TMTC2: variants seen among roughly 807,000 people sequenced by gnomAD.
TMTC2 encodes the protein transmembrane O-mannosyltransferase targeting cadherins 2.
A neutral mutation model predicts 82.4 loss-of-function variants in TMTC2; 43 were observed. The ratio of observed to expected loss-of-function variants is 0.52; its 90% CI spans 0.41 to 0.67. TMTC2 has a LOEUF of 0.67. Among genes scored for constraint, TMTC2 ranks in the 30% least tolerant of loss-of-function variants. The probability of loss-of-function intolerance (pLI) is 0.00; values close to 1 mark genes in which losing one functional copy is unlikely to be tolerated. For synonymous variants in TMTC2, 408 were observed against 381.9 expected (o/e 1.07, Z -0.80); for missense variants, 919 against 1,012.4 (o/e 0.91, Z 1.25).
intron 1 of TMTC2, among the ~76,000 whole-genome samples, chr12:82,763,337 C>A (rs1340486559): frequency 6.6e-6 from 1 of 152,172 alleles, no homozygotes; most frequent in African/African-American, 2.4e-5. Flanking sequence ...CCCTCTAGAT[C>A]AGTTCTCAAA....
intron 1 of TMTC2, among the ~76,000 whole-genome samples, chr12:82,845,226 CAAAA>C (rs66859423): frequency 3.3e-4 from 15 of 45,550 alleles, no homozygotes; most frequent in African/African-American, 1.4e-3. Flanking sequence ...GTGACTGTCT[CAAAA>C]AAAAAAAAAA....
At chr12:83,114,073 G>A (rs777902505) in intron 11 of TMTC2, among the ~76,000 whole-genome samples, 6 of 151,980 alleles carry the variant, frequency 3.9e-5, no homozygotes, top group Non-Finnish European at 8.8e-5. Flanking sequence ...GTCCCCATCT[G>A]CTTTGGAAGA....
At chr12:83,102,252 C>G (rs1190274630) in intron 11 of TMTC2, among the ~76,000 whole-genome samples, 2 of 152,122 alleles carry the variant, frequency 1.3e-5, no homozygotes, top group East Asian at 3.8e-4. Context: ...GGAAGATATG[C>G]TATTTTTTTA....
At chr12:82,914,624 T>C (rs1040931911) in intron 3 of TMTC2, among the ~76,000 whole-genome samples, 6 of 152,252 alleles carry the variant, frequency 3.9e-5, no homozygotes, top group Admixed American at 3.9e-4. Flanking sequence ...CTCAGTAGCA[T>C]GAGCATAGAT....
chr12:83,031,746 C>G (rs576180861), intron 9 of TMTC2, among the ~76,000 whole-genome samples: 1 of 152,092 alleles, frequency 6.6e-6, no homozygotes, highest in Non-Finnish European at 1.5e-5. Context: ...CAGTTTCCAG[C>G]TAATAAAAAT....
Position 83,085,693 on chromosome 12 carries a change from T to C in TMTC2, c.2331+23862T>C, listed in dbSNP as rs540330682. 3.3e-4 allele frequency among the ~76,000 whole-genome samples: 51 copies of C among 152,328 alleles called. 1 individual carries two copies. The South Asian group carries it at 0.011, about 32-fold the overall frequency. On this transcript the variant is annotated intron_variant, in intron 11 of 11. Coordinates refer to ENST00000321196, the MANE Select transcript of TMTC2 (RefSeq NM_152588.3). The stretch of plus-strand genomic sequence containing the variant: ...ATTCTTGAACTGTATGTGGAAATAA[T>C]AGGGTGAATTTACTATCCAATTAAG...
intron 1 of TMTC2, among the ~76,000 whole-genome samples, chr12:82,709,003 C>T (rs1873501826): frequency 2.6e-5 from 4 of 151,854 alleles, no homozygotes; most frequent in African/African-American, 2.4e-5. Context: ...TTGACAGACT[C>T]GTCTTCATGC....
At chr12:83,033,772 CAAAA>C (rs1177493285) in intron 9 of TMTC2, among the ~76,000 whole-genome samples, 2 of 146,422 alleles carry the variant, frequency 1.4e-5, no homozygotes, top group African/African-American at 5.0e-5. Flanking sequence ...AATAAATAAA[CAAAA>C]AAACCATATA....
At chr12:82,690,689 T>G (rs752838219) in intron 1 of TMTC2, among the ~76,000 whole-genome samples, 2 of 152,216 alleles carry the variant, frequency 1.3e-5, no homozygotes, top group Non-Finnish European at 2.9e-5. Flanking sequence ...GGTATGTGGT[T>G]TCAGCTTCAT....
intron 1 of TMTC2, among the ~76,000 whole-genome samples, chr12:82,779,173 G>T (rs945852205): frequency 3.9e-5 from 6 of 152,004 alleles, no homozygotes; most frequent in African/African-American, 1.4e-4. Context: ...CAACATCACG[G>T]CAGGGTAGAA....
At position 82,716,274 on chromosome 12, in the gene TMTC2, A is replaced by C. The variant is rs189224584; in HGVS notation, c.83+28605A>C. Among the ~76,000 whole-genome samples, 429 of 152,202 alleles carry C rather than the reference A, an allele frequency of 2.8e-3. 1 individual carries two copies. The highest frequency in any genetic ancestry group is 2.8e-3 in the Non-Finnish European group (192 of 68,008). ...TGCCATCAGAGAGCTTGCTGGTAGC[A>C]GAATTAAAAATCATTATGCTATTAC... On this transcript the variant is annotated intron_variant, in intron 1 of 11. Coordinates refer to ENST00000321196, the MANE Select transcript of TMTC2 (RefSeq NM_152588.3).
chr12:83,031,854 G>A (rs1197319596), intron 9 of TMTC2, among the ~76,000 whole-genome samples: 1 of 152,116 alleles, frequency 6.6e-6, no homozygotes, highest in South Asian at 2.1e-4. Context: ...ATGTTATTGT[G>A]TGTCTATGTT....
chr12:82,932,282 A>G (rs1395034478), intron 4 of TMTC2, among the ~76,000 whole-genome samples: 1 of 152,150 alleles, frequency 6.6e-6, no homozygotes, highest in African/African-American at 2.4e-5. Context: ...ATCTCAATCT[A>G]GCGGCCTGTG....
At chr12:82,772,262 A>G (rs1877350281) in intron 1 of TMTC2, among the ~76,000 whole-genome samples, 2 of 152,124 alleles carry the variant, frequency 1.3e-5, no homozygotes, top group Middle Eastern at 3.2e-3. Context: ...CATTTTATCT[A>G]TGTGTACATT....
intron 7 of TMTC2, among the ~76,000 whole-genome samples, chr12:82,979,513 T>C (rs1878827953): frequency 1.3e-5 from 2 of 151,772 alleles, no homozygotes; most frequent in South Asian, 4.1e-4. Context: ...TTTAATTCTT[T>C]CTGTTTATTT....
Position 83,042,688 on chromosome 12 carries a change from G to T in TMTC2, c.2153-8216G>T, listed in dbSNP as rs373814306. On this transcript the variant is annotated intron_variant, in intron 9 of 11. Transcript: ENST00000321196. ...GACAGTCATCATAACTCCCTCAGTG[G>T]TTTTCTGGCATTTCATAACCCTTTT... is the stretch of plus-strand genomic sequence containing the variant. Among the ~76,000 whole-genome samples the T allele has an allele frequency of 2.7e-3, 413 of 152,230 alleles. 3 individuals are homozygous for T. Among genetic ancestry groups the T allele is most frequent in the African/African-American group, 9.7e-3 (401 of 41,544 alleles).
At chr12:83,064,817 G>T (rs1882861388) in intron 11 of TMTC2, among the ~76,000 whole-genome samples, 1 of 151,850 alleles carries the variant, frequency 6.6e-6, no homozygotes, top group Admixed American at 6.6e-5. Context: ...CATTTATCCT[G>T]TTCATAGCTG....
chr12:82,968,926 A>T (rs1018091573), intron 7 of TMTC2, among the ~76,000 whole-genome samples: 1 of 152,168 alleles, frequency 6.6e-6, no homozygotes, highest in Non-Finnish European at 1.5e-5. Flanking sequence ...TTAACATTCC[A>T]GATTTTTTCT....
chr12:82,730,296 C>CAAAAA (rs368959079), intron 1 of TMTC2, among the ~76,000 whole-genome samples: 1,998 of 77,302 alleles, frequency 0.026, 135 homozygotes, highest in East Asian at 0.043. Context: ...CTCTGTCTCT[C>CAAAAA]AAAAAAAAAA....
Sources: gnomAD v4.1 joint callset for allele counts (sites outside exome capture counted in the v4.1 genomes callset) on GRCh38, gnomAD v4.1.1 for gene constraint, MANE v1.5 for transcripts, NCBI Gene and HGNC (gene_info 2026-07-23, HGNC 2026-07-21) for gene names.